The following RDH10 variants were observed in gnomAD, a reference collection of about 807,000 sequenced individuals.
RDH10 encodes the protein retinol dehydrogenase 10.
RDH10 carries 12 observed loss-of-function variants against 30.2 expected under a neutral mutation model. The ratio of observed to expected loss-of-function variants is 0.40; its 90% CI spans 0.25 to 0.64. The LOEUF (loss-of-function observed/expected upper bound fraction) is 0.64. Ranked by LOEUF, RDH10 falls within the 30% of genes least tolerant of loss-of-function variation. The pLI is 0.43. For synonymous variants in RDH10, 189 were observed against 172.2 expected (o/e 1.10, Z -0.76); for missense variants, 268 against 445.2 (o/e 0.60, Z 3.58).
At chr8:73,312,203 G>A (rs1454090124) in intron 2 of RDH10, 1 of 152,068 alleles carries the variant, frequency 6.6e-6, no homozygotes, top group Non-Finnish European at 1.5e-5. Flanking sequence ...TATATTTTAA[G>A]CACCTTCAGG....
Position 73,323,167 on chromosome 8 carries a change from AAAAAT to A in RDH10, c.*135_*139del. On this transcript the variant is annotated 3_prime_UTR_variant, in exon 6 of 6. Coordinates refer to ENST00000240285, the MANE Select transcript of RDH10 (RefSeq NM_172037.5). ...TTTCTTTTTTAAATCAACTTTTTAA[AAAAAT>A]AAAGTGTAAATTAACCGACTAGAGT... is the stretch of plus-strand genomic sequence containing the variant. The A allele has an allele frequency of 5.2e-6, 4 of 763,448 alleles. No individual in the cohort carries two copies. The highest frequency in any genetic ancestry group is 8.4e-6 in the Non-Finnish European group (4 of 478,922). The allele number at this position is 763,448 out of a possible 1,614,324, so 47.3% of individuals were successfully genotyped here.
rs545952940 is a variant in RDH10 at position 73,321,641 on chromosome 8, G to A, written c.770+564G>A. 6.7e-4 allele frequency: 247 copies of A among 366,424 alleles called. 1 individual carries two copies. The highest frequency in any genetic ancestry group is 5.1e-3 in the African/African-American group (240 of 47,180). 22.7% of individuals were successfully genotyped at this position (366,424 alleles called of 1,614,324 possible). A position where few individuals can be genotyped will look rare whatever the true frequency, so the allele number is the denominator to read the frequency against. On this transcript the variant is annotated intron_variant, in intron 4 of 5. Transcript: ENST00000240285. ...AAATACCCACACACATAGAAAGGAG[G>A]TATATGGGAATATAAATGTCAAGTT...
At chr8:73,296,543 C>T (rs150479758) in intron 1 of RDH10, among the ~76,000 whole-genome samples, 36 of 152,154 alleles carry the variant, frequency 2.4e-4, no homozygotes, top group Admixed American at 1.2e-3. Flanking sequence ...TATTCATTTT[C>T]CAGGATACCG....
chr8:73,320,475 GTTTTTT>G (rs55892941), intron 3 of RDH10, among the ~76,000 whole-genome samples: 4 of 137,480 alleles, frequency 2.9e-5, no homozygotes, highest in East Asian at 4.4e-4. Flanking sequence ...TTTTGTTTTT[GTTTTTT>G]TTTTTTTGAG....
chr8:73,301,051 T>C (rs1181932019), intron 2 of RDH10, among the ~76,000 whole-genome samples: 2 of 136,982 alleles, frequency 1.5e-5, no homozygotes, highest in African/African-American at 2.7e-5. Context: ...TCTTTTTTTT[T>C]TTTTTTTTTT....
chr8:73,306,510 A>G (rs1317780445), intron 2 of RDH10, among the ~76,000 whole-genome samples: 1 of 152,238 alleles, frequency 6.6e-6, no homozygotes, highest in Non-Finnish European at 1.5e-5. Flanking sequence ...TCCTCTTATA[A>G]TCTTCATAAA....
rs569954398 is a variant in RDH10 at position 73,307,616 on chromosome 8, G to T, written c.525+10187G>T. Among the ~76,000 whole-genome samples, 5 of 152,298 alleles carry T rather than the reference G, an allele frequency of 3.3e-5. No homozygotes were observed. In the South Asian group the frequency reaches 1.0e-3, roughly 32 times the overall value. ...GATGAGGAAACAAACCCAGAGAGGT[G>T]AAGGGACTTCCCTAAGGTCACTGCC... On this transcript the variant is annotated intron_variant, in intron 2 of 5. Coordinates refer to ENST00000240285, the MANE Select transcript of RDH10 (RefSeq NM_172037.5).
rs1469699113 is a variant in RDH10, at chr8:73,324,782, A to G, written c.*1746A>G. On this transcript the variant is annotated 3_prime_UTR_variant, in exon 6 of 6. Coordinates refer to ENST00000240285, the MANE Select transcript of RDH10 (RefSeq NM_172037.5). ...GGGCTTGTTTGTACCAAAAGTGGGG[A>G]AACAATGCCATGACCTGTGTTTTAG... 1 of 152,210 alleles carries G rather than the reference A, an allele frequency of 6.6e-6. No individual in the cohort carries two copies. The highest frequency in any genetic ancestry group is 1.5e-5 in the Non-Finnish European group (1 of 68,038). 9.4% of individuals were successfully genotyped at this position (152,210 alleles called of 1,614,324 possible).
At chr8:73,301,039 A>AT (rs1563547188) in intron 2 of RDH10, among the ~76,000 whole-genome samples, 12 of 98,780 alleles carry the variant, frequency 1.2e-4, no homozygotes, top group African/African-American at 4.8e-4. Context: ...ACAAAACTCT[A>AT]TTCTTTTTTT....
intron 2 of RDH10, among the ~76,000 whole-genome samples, chr8:73,317,663 G>A (rs757567192): frequency 6.6e-6 from 1 of 152,214 alleles, no homozygotes; most frequent in Non-Finnish European, 1.5e-5. Context: ...GCTCACGCCT[G>A]TAATCCCAGC....
chr8:73,295,701 C>CGTGG, intron 1 of RDH10, 123 bp downstream of exon 1: 1 of 1,070,616 alleles, frequency 9.3e-7, no homozygotes, highest in South Asian at 1.7e-5. Flanking sequence ...AACACCCCAC[C>CGTGG]GGTCTTTTGG....
chr8:73,322,291 C>T, intron 4 of RDH10: 1 of 306,706 alleles, frequency 3.3e-6, no homozygotes, highest in South Asian at 3.0e-5. Flanking sequence ...CTTACACCCT[C>T]ATTTTGACTA....
rs1172340226 is a variant in RDH10 at position 73,295,306 on chromosome 8, A to G, written c.17A>G (p.Glu6Gly). The G allele has an allele frequency of 6.4e-7, 1 of 1,563,196 alleles. No homozygotes were observed. Among genetic ancestry groups the G allele is most frequent in the South Asian group, 1.2e-5 (1 of 85,522 alleles). MNIVV[E>G]FFVVTFKVLW... Reference sequence around the variant, plus strand: ...GGCGTCGCGATGAACATCGTGGTGGAGTTCTTCGTGGTCACTTTCAAAGTG... The same window carrying G: ...GGCGTCGCGATGAACATCGTGGTGGGGTTCTTCGTGGTCACTTTCAAAGTG... Residue 6 changes from glutamate (E) to glycine (G), a missense_variant, in exon 1 of 6, where the codon GAG becomes GGG. Physicochemically the swap from Glu to Gly is moderately conservative, Grantham distance 98. Coordinates refer to ENST00000240285, the MANE Select transcript of RDH10 (RefSeq NM_172037.5).
In RDH10 at chr8:73,323,203, G is replaced by A. The variant is rs929741738; in HGVS notation, c.*167G>A. 2.6e-5 allele frequency: 15 copies of A among 585,986 alleles called. No individual in the cohort carries two copies. Among genetic ancestry groups the A allele is most frequent in the African/African-American group, 3.7e-5 (2 of 53,510 alleles). 36.3% of individuals were successfully genotyped at this position (585,986 alleles called of 1,614,324 possible). Reference sequence around the variant, plus strand: ...GTAAATTAACCGACTAGAGTACTTGGAAAATGTGATCAGTACAAGTGAACT... The same window carrying A: ...GTAAATTAACCGACTAGAGTACTTGAAAAATGTGATCAGTACAAGTGAACT... On this transcript the variant is annotated 3_prime_UTR_variant, in exon 6 of 6. Transcript: ENST00000240285.
intron 2 of RDH10, chr8:73,312,078 A>G (rs1260392467): frequency 6.6e-6 from 1 of 152,184 alleles, no homozygotes; most frequent in Non-Finnish European, 1.5e-5. Flanking sequence ...ATAAGTAGAT[A>G]CCTTTAGAGG....
At chr8:73,303,057 GTAGT>G (rs1814406281) in intron 2 of RDH10, among the ~76,000 whole-genome samples, 1 of 151,532 alleles carries the variant, frequency 6.6e-6, no homozygotes, top group South Asian at 2.1e-4. Context: ...AAGATAATTG[GTAGT>G]TAATTAATAG....
In RDH10 at chr8:73,324,579, T is replaced by C. The variant is rs901000014; in HGVS notation, c.*1543T>C. 1.3e-5 allele frequency: 2 copies of C among 152,394 alleles called. No individual in the cohort carries two copies. Among genetic ancestry groups the C allele is most frequent in the Admixed American group, 6.5e-5 (1 of 15,284 alleles). The allele number at this position is 152,394 out of a possible 1,614,324, so 9.4% of individuals were successfully genotyped here. A position where few individuals can be genotyped will look rare whatever the true frequency, so the allele number is the denominator to read the frequency against. On this transcript the variant is annotated 3_prime_UTR_variant, in exon 6 of 6. Transcript: ENST00000240285. ...ATTAACTTACATGCAATTGTGTGAT[T>C]ATTAGTTATCAGCAGTGTTGTAAGG...
chr8:73,297,557 C>A, intron 2 of RDH10, 128 bp downstream of exon 2: 1 of 688,178 alleles, frequency 1.5e-6, no homozygotes, highest in Non-Finnish European at 2.6e-6. Flanking sequence ...TTAGCTCTTC[C>A]CTATGGTAAA....
At position 73,295,421 on chromosome 8, in the gene RDH10, C is replaced by G; in HGVS notation, c.132C>G (p.Ala44=). The G allele has an allele frequency of 1.3e-6, 2 of 1,547,768 alleles. No individual in the cohort carries two copies. The highest frequency in any genetic ancestry group is 8.7e-7 in the Non-Finnish European group (1 of 1,147,734). Residue 44 remains alanine, a synonymous_variant, in exon 1 of 6, where the codon GCC becomes GCG. Transcript: ENST00000240285. The stretch of plus-strand genomic sequence containing the variant: ...GCCAGGTGTGCCTCATCACCGGCGC[C>G]GGCAGCGGCCTGGGCCGCCTCTTCG... The part of the protein sequence containing the change: ...VAGQVCLITG[A]GSGLGRLFAL...
Sources: gnomAD v4.1 joint callset for allele counts (sites outside exome capture counted in the v4.1 genomes callset) on GRCh38, gnomAD v4.1.1 for gene constraint, MANE v1.5 for transcripts, NCBI Gene and HGNC (gene_info 2026-07-23, HGNC 2026-07-21) for gene names.